MACROD2: variants seen among roughly 807,000 people sequenced by gnomAD.
The protein encoded by MACROD2 is ADP-ribose glycohydrolase MACROD2.
A neutral mutation model predicts 70.4 loss-of-function variants in MACROD2; 36 were observed. The observed-to-expected ratio is 0.51, with a 90% CI of 0.39 to 0.68. The LOEUF is 0.68. MACROD2 is among the 30% of genes least tolerant of loss of function. The pLI, the probability that MACROD2 is intolerant of heterozygous loss-of-function variation, is 0.00. For synonymous variants in MACROD2, 172 were observed against 178.8 expected (o/e 0.96, Z 0.30); for missense variants, 496 against 538.4 (o/e 0.92, Z 0.78).
intron 6 of MACROD2, among the ~76,000 whole-genome samples, chr20:15,364,181 T>A (rs2078385291): frequency 6.6e-6 from 1 of 152,234 alleles, no homozygotes; most frequent in African/African-American, 2.4e-5. Flanking sequence ...ATGGACTTCA[T>A]GATTGTGCTT....
At chr20:14,602,224 G>A (rs1004515899) in intron 4 of MACROD2, among the ~76,000 whole-genome samples, 17 of 152,204 alleles carry the variant, frequency 1.1e-4, no homozygotes, top group Non-Finnish European at 2.4e-4. Flanking sequence ...CACATGAACC[G>A]AAGAGGCCAG....
intron 8 of MACROD2, among the ~76,000 whole-genome samples, chr20:15,744,693 TACACACACACACAC>T (rs11467530): frequency 0.28 from 41,760 of 148,280 alleles, 5,992 homozygotes; most frequent in Admixed American, 0.36. Flanking sequence ...AAACCAAGTA[TACACACACACACAC>T]ACACACACAC....
chr20:14,784,669 G>GGC (rs1555829921), intron 5 of MACROD2, among the ~76,000 whole-genome samples: 9 of 1,664 alleles, frequency 5.4e-3, no homozygotes, highest in Admixed American at 0.026. Context: ...TGTTTTAAGT[G>GGC]GGGGGGGGGG....
intron 3 of MACROD2, among the ~76,000 whole-genome samples, chr20:14,178,427 G>A (rs2209019): frequency 0.96 from 146,919 of 152,274 alleles, 70,898 homozygotes; most frequent in Middle Eastern, 0.99. Context: ...TGAAAAAATA[G>A]CAAAGTGCAA....
At chr20:15,817,132 A>G (rs762972921) in intron 8 of MACROD2, among the ~76,000 whole-genome samples, 1 of 152,228 alleles carries the variant, frequency 6.6e-6, no homozygotes, top group Non-Finnish European at 1.5e-5. Flanking sequence ...TGATCTGGTT[A>G]TCCATACTGT....
chr20:15,821,046 T>C (rs1043059892), intron 8 of MACROD2, among the ~76,000 whole-genome samples: 1 of 152,190 alleles, frequency 6.6e-6, no homozygotes, highest in Non-Finnish European at 1.5e-5. Flanking sequence ...ACACAGATCC[T>C]TGGTCATACT....
intron 3 of MACROD2, among the ~76,000 whole-genome samples, chr20:14,235,111 G>A (rs991669434): frequency 6.6e-6 from 1 of 152,026 alleles, no homozygotes; most frequent in Non-Finnish European, 1.5e-5. Context: ...TATTGCTCCA[G>A]GCAGATTAAA....
intron 6 of MACROD2, among the ~76,000 whole-genome samples, chr20:15,232,470 T>G (rs2076967577): frequency 6.6e-6 from 1 of 152,068 alleles, no homozygotes; most frequent in African/African-American, 2.4e-5. Flanking sequence ...ATTTTGTAAC[T>G]TTGGTTTCCA....
chr20:15,135,329 A>AAGCGAATCCAGC (rs1490740998), intron 5 of MACROD2, among the ~76,000 whole-genome samples: 2 of 151,856 alleles, frequency 1.3e-5, no homozygotes, highest in Admixed American at 1.3e-4. Flanking sequence ...AATACTGGCA[A>AAGCGAATCCAGC]AGCGAATCCA....
intron 5 of MACROD2, among the ~76,000 whole-genome samples, chr20:15,118,879 C>G (rs2076010772): frequency 6.6e-6 from 1 of 152,190 alleles, no homozygotes; most frequent in African/African-American, 2.4e-5. Flanking sequence ...TTGCACTTAT[C>G]AAACAGGATA....
At chr20:14,614,033 T>A (rs147763202) in intron 4 of MACROD2, among the ~76,000 whole-genome samples, 66 of 152,216 alleles carry the variant, frequency 4.3e-4, no homozygotes, top group African/African-American at 1.5e-3. Flanking sequence ...TAATAAAATA[T>A]TTTTATAAAT....
chr20:14,024,136 C>T (rs1389090650), intron 2 of MACROD2, among the ~76,000 whole-genome samples: 1 of 152,024 alleles, frequency 6.6e-6, no homozygotes, highest in African/African-American at 2.4e-5. Flanking sequence ...AGTTGTATTC[C>T]TAGGTATTTT....
chr20:15,273,084 A>G (rs2077359689), intron 6 of MACROD2, among the ~76,000 whole-genome samples: 1 of 152,160 alleles, frequency 6.6e-6, no homozygotes. Context: ...TGAAGGATAC[A>G]AGGTATTGAT....
chr20:14,089,882 T>A (rs951511873), intron 3 of MACROD2, among the ~76,000 whole-genome samples: 1 of 152,176 alleles, frequency 6.6e-6, no homozygotes, highest in African/African-American at 2.4e-5. Flanking sequence ...AAGCAGATTT[T>A]AAAAAATAAT....
intron 15 of MACROD2, among the ~76,000 whole-genome samples, chr20:15,995,685 C>A (rs2066621455): frequency 1.4e-5 from 1 of 73,920 alleles, no homozygotes; most frequent in South Asian, 5.7e-4. Flanking sequence ...TTTAAGATTC[C>A]TCATATAAAT....
chr20:14,558,208 G>T (rs1287339251), intron 4 of MACROD2, among the ~76,000 whole-genome samples: 1 of 151,744 alleles, frequency 6.6e-6, no homozygotes, highest in Admixed American at 6.6e-5. Context: ...GGGGAAATAG[G>T]GAGTGAATAC....
intron 3 of MACROD2, among the ~76,000 whole-genome samples, chr20:14,469,643 C>G (rs1387165730): frequency 1.3e-5 from 2 of 151,914 alleles, no homozygotes; most frequent in Admixed American, 6.6e-5. Context: ...CTCTTTTTCT[C>G]TAATCTTGTC....
At chr20:16,042,659 T>C (rs2067323111) in intron 16 of MACROD2, among the ~76,000 whole-genome samples, 1 of 152,066 alleles carries the variant, frequency 6.6e-6, no homozygotes, top group African/African-American at 2.4e-5. Context: ...CTCTCCTGTA[T>C]TTTATCCTGC....
chr20:14,884,010 T>C (rs1344571248), intron 5 of MACROD2, among the ~76,000 whole-genome samples: 2 of 152,202 alleles, frequency 1.3e-5, no homozygotes, highest in African/African-American at 4.8e-5. Context: ...GTCAGTTCTC[T>C]GGTTAGTTTG....
Sources: allele counts gnomAD v4.1 joint callset (sites outside exome capture counted in the v4.1 genomes callset), GRCh38; gene constraint gnomAD v4.1.1; transcripts MANE v1.5; gene names NCBI Gene and HGNC (gene_info 2026-07-23, HGNC 2026-07-21).